The following CBFA2T3 variants were observed in gnomAD, a reference collection of about 807,000 sequenced individuals.
The protein encoded by CBFA2T3 is CBFA2/RUNX1 partner transcriptional co-repressor 3.
CBFA2T3 carries 31 observed loss-of-function variants against 58.6 expected under a neutral mutation model. The ratio of observed to expected loss-of-function variants is 0.53; its 90% CI spans 0.40 to 0.71. The LOEUF (loss-of-function observed/expected upper bound fraction) is 0.71. CBFA2T3 is among the 30% of genes least tolerant of loss of function. The pLI, the probability that CBFA2T3 is intolerant of heterozygous loss-of-function variation, is 0.00. For synonymous variants in CBFA2T3, 531 were observed against 421.9 expected (o/e 1.26, Z -3.17); for missense variants, 1,076 against 963.1 (o/e 1.12, Z -1.55).
intron 1 of CBFA2T3, among the ~76,000 whole-genome samples, chr16:88,946,287 T>A (rs1358660966): frequency 6.6e-6 from 1 of 151,142 alleles, no homozygotes; most frequent in African/African-American, 2.4e-5. Flanking sequence ...CACTCCACCC[T>A]GGGCAACAGA....
intron 1 of CBFA2T3, among the ~76,000 whole-genome samples, chr16:88,964,743 C>T (rs1284014306): frequency 6.6e-6 from 1 of 152,088 alleles, no homozygotes; most frequent in Non-Finnish European, 1.5e-5. Flanking sequence ...ACCCACCAAC[C>T]CATCTATCCA....
intron 2 of CBFA2T3, among the ~76,000 whole-genome samples, chr16:88,900,533 A>G (rs1970055538): frequency 6.6e-6 from 1 of 152,186 alleles, no homozygotes; most frequent in Non-Finnish European, 1.5e-5. Flanking sequence ...CTGGCCCGTC[A>G]GGGACCCGGG....
chr16:88,898,864 T>C (rs1053227021), intron 2 of CBFA2T3, among the ~76,000 whole-genome samples: 7 of 151,864 alleles, frequency 4.6e-5, no homozygotes, highest in Admixed American at 2.0e-4. Context: ...CTCTACTATA[T>C]AAAAAAAGAA....
intron 7 of CBFA2T3, 103 bp from the exon 8 acceptor site, chr16:88,882,864 G>T: frequency 1.3e-6 from 1 of 792,822 alleles, no homozygotes; most frequent in Non-Finnish European, 2.1e-6. Flanking sequence ...CGTGGGCTGT[G>T]CCCGCTGGGG....
At chr16:88,952,439 A>G (rs922392949) in intron 1 of CBFA2T3, among the ~76,000 whole-genome samples, 1 of 150,810 alleles carries the variant, frequency 6.6e-6, no homozygotes, top group Non-Finnish European at 1.5e-5. Flanking sequence ...TCAGCAGGAC[A>G]AATGCCCAGG....
rs576082419 is a variant in CBFA2T3 at position 88,904,827 on chromosome 16, T to G, written c.152-3171A>C. Among the ~76,000 whole-genome samples the G allele has an allele frequency of 2.0e-5, 3 of 152,258 alleles. No homozygotes were observed. The East Asian group carries it at 5.8e-4, about 29-fold the overall frequency. On this transcript the variant is annotated intron_variant, in intron 1 of 11. Transcript: ENST00000268679. Reference sequence around the variant, plus strand: ...GTGGCCTAGGGAGAGCCTCTTCCCCTCTCTGAGCCTCACTTTCCTTCCTCT... The same window carrying G: ...GTGGCCTAGGGAGAGCCTCTTCCCCGCTCTGAGCCTCACTTTCCTTCCTCT...
chr16:88,895,341 C>T (rs904948119), intron 3 of CBFA2T3, among the ~76,000 whole-genome samples: 25 of 152,162 alleles, frequency 1.6e-4, no homozygotes, highest in Non-Finnish European at 2.8e-4. Flanking sequence ...CCCACCTTCC[C>T]GACCCGTGGT....
At chr16:88,917,229 A>G (rs1274783432) in intron 1 of CBFA2T3, among the ~76,000 whole-genome samples, 2 of 152,162 alleles carry the variant, frequency 1.3e-5, no homozygotes, top group Non-Finnish European at 2.9e-5. Context: ...TTAGGTGTGG[A>G]GCAGAAAGTC....
At chr16:88,959,012 G>A (rs888094832) in intron 1 of CBFA2T3, among the ~76,000 whole-genome samples, 1 of 152,142 alleles carries the variant, frequency 6.6e-6, no homozygotes, top group African/African-American at 2.4e-5. Context: ...CAAGTGCTGT[G>A]TGCCCGGGCT....
intron 1 of CBFA2T3, among the ~76,000 whole-genome samples, chr16:88,936,513 T>A (rs1323148795): frequency 6.8e-6 from 1 of 146,384 alleles, no homozygotes; most frequent in African/African-American, 2.6e-5. Context: ...GGCAGCCGAG[T>A]ATCCACCACG....
In CBFA2T3 at chr16:88,976,852, C is replaced by A. The variant is rs1384388994; in HGVS notation, c.-45G>T. On this transcript the variant is annotated 5_prime_UTR_variant, in exon 1 of 12. In the 5' UTR this introduces an upstream ATG that the reference lacks. Coordinates refer to ENST00000268679, the MANE Select transcript of CBFA2T3 (RefSeq NM_005187.6). Reference sequence around the variant, plus strand: ...GGCCAACCTGGAGCCCAGGACAGGCCTCTACCAGGACTGCCTTTCCCGACC... The same window carrying A: ...GGCCAACCTGGAGCCCAGGACAGGCATCTACCAGGACTGCCTTTCCCGACC... 8 of 1,521,776 alleles carry A rather than the reference C, an allele frequency of 5.3e-6. No individual in the cohort carries two copies. In the African/African-American group the frequency reaches 8.3e-5, roughly 16 times the overall value. The allele number at this position is 1,521,776 out of a possible 1,614,324, so 94.3% of individuals were successfully genotyped here. A position where few individuals can be genotyped will look rare whatever the true frequency, so the allele number is the denominator to read the frequency against.
rs558304195 is a variant in CBFA2T3, at chr16:88,897,589, A to G, written c.379+489T>C. ...CATCTGACGGCTCCTGGAGATCACCATTGGCACTAGGGGCCATGATGACTT... is the reference window on the plus strand; with the variant it reads ...CATCTGACGGCTCCTGGAGATCACCGTTGGCACTAGGGGCCATGATGACTT... On this transcript the variant is annotated intron_variant, in intron 3 of 11. Transcript: ENST00000268679. 3.9e-3 allele frequency among the ~76,000 whole-genome samples: 594 copies of G among 152,324 alleles called. 1 individual carries two copies. The highest frequency in any genetic ancestry group is 0.014 in the African/African-American group (567 of 41,572).
chr16:88,905,814 G>GC (rs1482076566), intron 1 of CBFA2T3, among the ~76,000 whole-genome samples: 4 of 151,260 alleles, frequency 2.6e-5, no homozygotes, highest in African/African-American at 9.8e-5. Context: ...GGTGGGAGGG[G>GC]CTGGGCTGCC....
chr16:88,917,548 G>A (rs958397642), intron 1 of CBFA2T3, among the ~76,000 whole-genome samples: 6 of 152,230 alleles, frequency 3.9e-5, no homozygotes, highest in African/African-American at 1.2e-4. Flanking sequence ...AGGCTACACC[G>A]GTTCCCAAAG....
At chr16:88,945,550 G>A (rs1204408525) in intron 1 of CBFA2T3, among the ~76,000 whole-genome samples, 1 of 152,176 alleles carries the variant, frequency 6.6e-6, no homozygotes, top group African/African-American at 2.4e-5. Context: ...AAGATGATCT[G>A]GCAAATAAGC....
chr16:88,875,119 A>ACT lies in CBFA2T3; in HGVS notation c.*1856_*1857insAG. ...TGCCAGGCCACGGGCCACGCCACAC[A>ACT]CACAGATGCCAGGCCACGGGCCACG... On this transcript the variant is annotated 3_prime_UTR_variant, in exon 12 of 12. Coordinates refer to ENST00000268679, the MANE Select transcript of CBFA2T3 (RefSeq NM_005187.6). 1 of 228,434 alleles carries ACT rather than the reference A, an allele frequency of 4.4e-6. No homozygotes were observed. The highest frequency in any genetic ancestry group is 8.5e-6 in the Non-Finnish European group (1 of 117,062). The allele number at this position is 228,434 out of a possible 1,614,324, so 14.2% of individuals were successfully genotyped here.
At chr16:88,957,468 A>C (rs1296921988) in intron 1 of CBFA2T3, 1 of 152,362 alleles carries the variant, frequency 6.6e-6, no homozygotes, top group Non-Finnish European at 1.5e-5. Context: ...ATGCCCCCTC[A>C]GCCCAGGGAG....
intron 1 of CBFA2T3, among the ~76,000 whole-genome samples, chr16:88,926,506 A>G (rs892946364): frequency 2.0e-5 from 3 of 152,196 alleles, no homozygotes; most frequent in Admixed American, 6.5e-5. Context: ...GCTCGGGGCC[A>G]GTCACCAGGC....
chr16:88,955,784 T>C (rs377521954), intron 1 of CBFA2T3, among the ~76,000 whole-genome samples: 3 of 13,006 alleles, frequency 2.3e-4, no homozygotes, highest in East Asian at 1.9e-3. Flanking sequence ...GCTCCTGACC[T>C]CAGCCAAGGC....
Sources: allele counts gnomAD v4.1 joint callset (sites outside exome capture counted in the v4.1 genomes callset), GRCh38; gene constraint gnomAD v4.1.1; transcripts MANE v1.5; gene names NCBI Gene and HGNC (gene_info 2026-07-23, HGNC 2026-07-21).